The following XRN1 variants were observed in gnomAD, a reference collection of about 807,000 sequenced individuals.
The protein encoded by XRN1 is 5'-3' exoribonuclease 1.
Under a neutral mutation model 222.3 loss-of-function variants are expected in XRN1, and 67 were observed. The ratio of observed to expected loss-of-function variants is 0.30; its 90% CI spans 0.25 to 0.37. The LOEUF is 0.37. Ranked by LOEUF, XRN1 falls within the 10% of genes least tolerant of loss-of-function variation. XRN1 has a pLI of 1.00. For missense variants in XRN1, 1,707 were observed against 2,000.2 expected, an observed-to-expected ratio of 0.85 and a Z score of 2.80; for synonymous variants, 643 against 652.4, an observed-to-expected ratio of 0.99 and a Z score of 0.22.
chr3:142,366,167 A>T (rs1205494166), intron 27 of XRN1, among the ~76,000 whole-genome samples: 1 of 152,190 alleles, frequency 6.6e-6, no homozygotes, highest in Non-Finnish European at 1.5e-5. Flanking sequence ...AAGTGAGAAA[A>T]ATTTATATCC....
intron 1 of XRN1, among the ~76,000 whole-genome samples, chr3:142,438,286 T>C (rs1469301695): frequency 6.7e-6 from 1 of 149,456 alleles, no homozygotes; most frequent in East Asian, 2.0e-4. Context: ...TTACGCACCC[T>C]GGAAAGGAAC....
In XRN1 at chr3:142,355,385, A is replaced by G. The variant is rs117294214; in HGVS notation, c.3768+16T>C. On this transcript the variant is annotated intron_variant, in intron 32 of 40. Transcript: ENST00000392981. ...TTTCTTTAAATTAATTGTCCATCAA[A>G]ACAAGGAATACTAACCTTCTCTTGT... The G allele has an allele frequency of 1.4e-6, 2 of 1,381,798 alleles. No individual in the cohort carries two copies. The highest frequency in any genetic ancestry group is 2.9e-5 in the African/African-American group (2 of 67,982). 85.6% of individuals were successfully genotyped at this position (1,381,798 alleles called of 1,614,324 possible).
At chr3:142,332,238 A>C in intron 36 of XRN1, 137 bp downstream of exon 36, 1 of 758,430 alleles carries the variant, frequency 1.3e-6, no homozygotes, top group Non-Finnish European at 2.0e-6. Flanking sequence ...TGGCCAACAC[A>C]GCAAGACACC....
At chr3:142,404,119 G>A (rs1044909459) in intron 16 of XRN1, 130 bp from the exon 17 acceptor site, 2 of 798,628 alleles carry the variant, frequency 2.5e-6, no homozygotes, top group African/African-American at 3.5e-5. Flanking sequence ...ATTAGTTCCA[G>A]ACAAAGAAAA....
At chr3:142,362,382 C>T (rs112836948) in intron 29 of XRN1, among the ~76,000 whole-genome samples, 107 of 152,242 alleles carry the variant, frequency 7.0e-4, no homozygotes, top group African/African-American at 2.3e-3. Flanking sequence ...GTGAGCCGCC[C>T]GCCTTGGCTT....
intron 14 of XRN1, 66 bp from the exon 15 acceptor site, chr3:142,412,729 G>T: frequency 8.1e-7 from 1 of 1,240,236 alleles, no homozygotes; most frequent in Non-Finnish European, 1.1e-6. Context: ...TTTTGTTAAT[G>T]TATTTATAAT....
intron 25 of XRN1, 119 bp from the exon 26 acceptor site, chr3:142,371,447 T>A: frequency 1.4e-6 from 1 of 694,952 alleles, no homozygotes; most frequent in Non-Finnish European, 2.4e-6. Context: ...ACTACTATAA[T>A]ATTAATAAGG....
intron 22 of XRN1, among the ~76,000 whole-genome samples, 174 bp from the exon 23 acceptor site, chr3:142,380,354 T>C (rs2067266349): frequency 6.6e-6 from 1 of 152,198 alleles, no homozygotes; most frequent in Non-Finnish European, 1.5e-5. Flanking sequence ...TATCGTTGCT[T>C]TAATGGTTAA....
At position 142,352,810 on chromosome 3, in the gene XRN1, T is replaced by A. The variant is rs553306017; in HGVS notation, c.3768+2591A>T. Among the ~76,000 whole-genome samples the A allele has an allele frequency of 2.0e-5, 3 of 152,250 alleles. No individual in the cohort carries two copies. The South Asian group carries it at 6.2e-4, about 32-fold the overall frequency. On this transcript the variant is annotated intron_variant, in intron 32 of 40. Transcript: ENST00000392981. ...GTGTGCCACCACAGCACCTGATTGATTTTTTGTATTGTTTGTAGAGATGGG... is the reference window on the plus strand; with the variant it reads ...GTGTGCCACCACAGCACCTGATTGAATTTTTGTATTGTTTGTAGAGATGGG...
intron 33 of XRN1, among the ~76,000 whole-genome samples, chr3:142,338,764 C>G (rs2065911034): frequency 6.6e-6 from 1 of 152,096 alleles, no homozygotes; most frequent in South Asian, 2.1e-4. Flanking sequence ...GCATTTATCA[C>G]AAGCTGACTG....
chr3:142,368,125 T>C (rs1416673188), intron 27 of XRN1, among the ~76,000 whole-genome samples: 1 of 151,044 alleles, frequency 6.6e-6, no homozygotes, highest in Non-Finnish European at 1.5e-5. Context: ...TATAAACATT[T>C]AATTTATAAA....
rs745791044 is a variant in XRN1, at chr3:142,414,204, A to G, written c.1524T>C (p.Phe508=). ...LKIHFELGKP[F]KPFEQLLAVL... The stretch of plus-strand genomic sequence containing the variant: ...CAGCAAGAAGCTGTTCAAATGGCTT[A>G]AAAGGTTTTCCTAGTTCAAAATGGA... The change falls in exon 14 of 41, where the codon TTT becomes TTC. Residue 508 remains phenylalanine (F), a synonymous_variant. Coordinates refer to ENST00000392981, the MANE Select transcript of XRN1 (RefSeq NM_001282857.2). The G allele has an allele frequency of 5.7e-5, 92 of 1,613,816 alleles. 4 individuals carry two copies. The Middle Eastern group carries it at 7.6e-3, about 133-fold the overall frequency.
chr3:142,383,538 C>T, intron 21 of XRN1, 125 bp from the exon 22 acceptor site: 1 of 780,636 alleles, frequency 1.3e-6, no homozygotes, highest in Non-Finnish European at 2.0e-6. Flanking sequence ...CTACATAATG[C>T]CAAGAGCTAA....
intron 9 of XRN1, 31 bp downstream of exon 9, chr3:142,421,445 G>C (rs201494259): frequency 4.5e-6 from 7 of 1,570,480 alleles, no homozygotes; most frequent in Non-Finnish European, 6.1e-6. Flanking sequence ...GCTACTCTGC[G>C]ACAGGAAACC....
At chr3:142,429,382 T>C (rs1203879660) in intron 2 of XRN1, among the ~76,000 whole-genome samples, 1 of 152,056 alleles carries the variant, frequency 6.6e-6, no homozygotes, top group East Asian at 1.9e-4. Flanking sequence ...ACTCCTGACC[T>C]TGTGATCCAC....
At chr3:142,427,449 A>T (rs1171509458) in intron 2 of XRN1, among the ~76,000 whole-genome samples, 1 of 152,214 alleles carries the variant, frequency 6.6e-6, no homozygotes, top group Non-Finnish European at 1.5e-5. Flanking sequence ...AATTCATTCT[A>T]AAAATAAGAT....
chr3:142,350,818 T>C (rs1343169367), intron 32 of XRN1, among the ~76,000 whole-genome samples: 1 of 152,176 alleles, frequency 6.6e-6, no homozygotes, highest in Non-Finnish European at 1.5e-5. Flanking sequence ...GGAGTGGCTA[T>C]TAACTGAGAT....
chr3:142,370,666 AG>A, intron 26 of XRN1, 46 bp from the exon 27 acceptor site: 1 of 1,500,574 alleles, frequency 6.7e-7, no homozygotes, highest in Non-Finnish European at 8.9e-7. Context: ...AAACTTTCTC[AG>A]GGCTATAAAT....
At chr3:142,434,733 G>A (rs992357566) in intron 1 of XRN1, among the ~76,000 whole-genome samples, 1 of 151,734 alleles carries the variant, frequency 6.6e-6, no homozygotes, top group Non-Finnish European at 1.5e-5. Flanking sequence ...CTCCAGCGTG[G>A]GAGACAGAGT....
Sources: allele counts gnomAD v4.1 joint callset (sites outside exome capture counted in the v4.1 genomes callset), GRCh38; gene constraint gnomAD v4.1.1; transcripts MANE v1.5; gene names NCBI Gene and HGNC (gene_info 2026-07-23, HGNC 2026-07-21).